RYR3: variants seen among roughly 807,000 people sequenced by gnomAD.
The protein encoded by RYR3 is brain ryanodine receptor-calcium release channel.
In RYR3, 207 loss-of-function variants were observed where a neutral mutation model predicts 584.3. That is an observed-to-expected ratio of 0.35 (90% confidence interval 0.32 to 0.40). RYR3 has a LOEUF of 0.40. Among genes scored for constraint, RYR3 ranks in the 10% least tolerant of loss-of-function variants. The pLI, the probability that RYR3 is intolerant of heterozygous loss-of-function variation, is 1.00. For missense variants in RYR3, 5,616 were observed against 6,089.2 expected (o/e 0.92, Z 2.59); for synonymous variants, 2,416 against 2,248.5 (o/e 1.07, Z -2.11).
chr15:33,607,953 A>G (rs2059990264), intron 18 of RYR3, among the ~76,000 whole-genome samples: 1 of 152,196 alleles, frequency 6.6e-6, no homozygotes, highest in Non-Finnish European at 1.5e-5. Flanking sequence ...AGGTAACTTG[A>G]GTCCACAAAG....
chr15:33,707,972 C>T (rs757723200), intron 43 of RYR3, among the ~76,000 whole-genome samples: 45 of 152,084 alleles, frequency 3.0e-4, no homozygotes, highest in Non-Finnish European at 1.3e-4. Flanking sequence ...TTCTTTTCTC[C>T]TTGTCCTGGT....
intron 81 of RYR3, among the ~76,000 whole-genome samples, chr15:33,823,761 AGTG>A (rs2077229724): frequency 6.6e-6 from 1 of 152,226 alleles, no homozygotes. Flanking sequence ...ATCTAAGAAA[AGTG>A]TCAGCTTATT....
At chr15:33,612,730 C>T (rs982798662) in intron 18 of RYR3, among the ~76,000 whole-genome samples, 16 of 152,180 alleles carry the variant, frequency 1.1e-4, no homozygotes, top group African/African-American at 3.6e-4. Context: ...TTCAACTCTA[C>T]AGCAGTCTAA....
intron 19 of RYR3, among the ~76,000 whole-genome samples, chr15:33,618,173 GA>G (rs1392119044): frequency 6.6e-6 from 1 of 151,950 alleles, no homozygotes; most frequent in Admixed American, 6.5e-5. Context: ...TTTTTTTGCA[GA>G]AAATTCATGA....
chr15:33,560,489 G>C (rs952510992), intron 10 of RYR3, among the ~76,000 whole-genome samples: 3 of 151,354 alleles, frequency 2.0e-5, no homozygotes, highest in Non-Finnish European at 2.9e-5. Context: ...TAAGTGAAAG[G>C]CAAGAAAGTA....
chr15:33,864,040 G>A (rs574286113), intron 102 of RYR3, 98 bp from the exon 103 acceptor site: 275 of 822,144 alleles, frequency 3.3e-4, no homozygotes, highest in Non-Finnish European at 3.9e-4. Context: ...AGATAGCGTG[G>A]GACCAACTAG....
chr15:33,330,551 G>A (rs949665534), intron 1 of RYR3, among the ~76,000 whole-genome samples: 1 of 152,106 alleles, frequency 6.6e-6, no homozygotes, highest in South Asian at 2.1e-4. Context: ...CCTGACTAGT[G>A]TTCCTTCACG....
chr15:33,698,208 T>C (rs1008475979), intron 40 of RYR3, among the ~76,000 whole-genome samples: 5 of 152,194 alleles, frequency 3.3e-5, no homozygotes, highest in African/African-American at 1.2e-4. Flanking sequence ...TTGGAGACTT[T>C]CTTCATTAAT....
intron 57 of RYR3, 102 bp downstream of exon 57, chr15:33,750,388 T>G: frequency 8.6e-7 from 1 of 1,157,950 alleles, no homozygotes; most frequent in Non-Finnish European, 1.2e-6. Flanking sequence ...AACAATTGAG[T>G]CTTTTAAAAT....
intron 1 of RYR3, among the ~76,000 whole-genome samples, chr15:33,424,135 G>A (rs2044432645): frequency 6.6e-6 from 1 of 152,104 alleles, no homozygotes; most frequent in South Asian, 2.1e-4. Flanking sequence ...GTACAGCATA[G>A]TGCTTAAGTG....
Position 33,731,552 on chromosome 15 carries a change from T to C in RYR3, c.7282T>C (p.Cys2428Arg), listed in dbSNP as rs1304107497. The change falls in exon 48 of 104, where the codon TGT becomes CGT. Residue 2428 changes from cysteine (C) to arginine (R), a missense_variant. Physicochemically the swap from Cys to Arg is radical, Grantham distance 180. This residue lies in a region of RYR3 where 1,280 missense variants were observed against 1,426.2 expected (regional missense o/e 0.90). Transcript: ENST00000634891. ...TGCTGTGCTCCCGCTCCTCACAAGA[T>C]GTGCCCCTCTCTTTGCCGGAACAGA... ...CSAVLPLLTRCAPLFAGTEHC... is the reference protein window; with the variant it reads ...CSAVLPLLTRRAPLFAGTEHC... 2 of 1,613,956 alleles carry C rather than the reference T, an allele frequency of 1.2e-6. No homozygotes were observed. Among genetic ancestry groups the C allele is most frequent in the Non-Finnish European group, 8.5e-7 (1 of 1,179,858 alleles).
chr15:33,838,909 A>G lies in RYR3; in HGVS notation c.12929A>G (p.Asp4310Gly), dbSNP rs1174134400. The change falls in exon 89 of 104, where the codon GAT becomes GGT. Residue 4310 changes from aspartate to glycine, a missense_variant. Around this residue, in one of 9 missense-constraint regions of RYR3, gnomAD observed 918 missense variants for 887.4 expected, o/e 1.03. Transcript: ENST00000634891. The stretch of plus-strand genomic sequence containing the variant: ...GACCTCTCAGAAATTATTGGCAAGG[A>G]TGAACCCCCTACATTAGAGAGTACT... ...LGDLSEIIGKDEPPTLESTVQ... is the reference protein window; with the variant it reads ...LGDLSEIIGKGEPPTLESTVQ... 1.2e-6 allele frequency: 2 copies of G among 1,613,772 alleles called. No individual in the cohort carries two copies. The highest frequency in any genetic ancestry group is 1.7e-6 in the Non-Finnish European group (2 of 1,179,838).
chr15:33,396,645 A>C (rs990924535), intron 1 of RYR3, among the ~76,000 whole-genome samples: 16 of 152,162 alleles, frequency 1.1e-4, no homozygotes, highest in Admixed American at 1.0e-3. Flanking sequence ...CTAATGCATG[A>C]GTGAAACAGG....
chr15:33,647,453 C>G lies in RYR3; in HGVS notation c.3971C>G (p.Thr1324Arg). Residue 1324 changes from threonine (T) to arginine (R), a missense_variant, in exon 30 of 104, where the codon ACA (threonine) becomes AGA (arginine). Coordinates refer to ENST00000634891, the MANE Select transcript of RYR3 (RefSeq NM_001036.6). ...RKQMQEILSH[T>R]TTQCYYAIRI... is the part of the protein sequence containing the mutation. ...CAGATGCAAGAAATACTCTCTCATA[C>G]AACAACAGTAAGTAAATGTGCTCAA... is the stretch of plus-strand genomic sequence containing the variant. The G allele has an allele frequency of 1.2e-6, 2 of 1,603,944 alleles. No homozygotes were observed. The highest frequency in any genetic ancestry group is 1.7e-6 in the Non-Finnish European group (2 of 1,171,002).
intron 1 of RYR3, among the ~76,000 whole-genome samples, chr15:33,323,472 C>T (rs1228758606): frequency 6.6e-6 from 1 of 152,076 alleles, no homozygotes; most frequent in Admixed American, 6.5e-5. Flanking sequence ...GCCAGAGCCC[C>T]AGCACCCATG....
In RYR3 at chr15:33,748,272, C is replaced by G. The variant is rs913910827; in HGVS notation, c.8136+12C>G. On this transcript the variant is annotated intron_variant, in intron 54 of 103. Coordinates refer to ENST00000634891, the MANE Select transcript of RYR3 (RefSeq NM_001036.6). The stretch of plus-strand genomic sequence containing the variant: ...CCCAGGCCAACCAGGTATGACACCA[C>G]ACCCAGAGGCCCACGCTGGGCCGAT... The G allele has an allele frequency of 6.2e-7, 1 of 1,613,200 alleles. No homozygotes were observed. Among genetic ancestry groups the G allele is most frequent in the Non-Finnish European group, 8.5e-7 (1 of 1,179,536 alleles).
intron 20 of RYR3, among the ~76,000 whole-genome samples, chr15:33,627,634 A>T (rs2061060425): frequency 6.6e-6 from 1 of 152,236 alleles, no homozygotes; most frequent in Non-Finnish European, 1.5e-5. Context: ...AGAGACAGTG[A>T]TGAGAACTAA....
intron 65 of RYR3, among the ~76,000 whole-genome samples, chr15:33,782,181 C>T (rs986805163): frequency 6.6e-6 from 1 of 152,126 alleles, no homozygotes; most frequent in Non-Finnish European, 1.5e-5. Flanking sequence ...CTCTTTAGTT[C>T]ATAAAGGCAC....
intron 1 of RYR3, among the ~76,000 whole-genome samples, chr15:33,338,630 G>A (rs1297512207): frequency 6.6e-6 from 1 of 152,120 alleles, no homozygotes; most frequent in Non-Finnish European, 1.5e-5. Context: ...TCATCTTGTA[G>A]CCATCTTATT....
Sources: gnomAD v4.1 joint callset for allele counts (sites outside exome capture counted in the v4.1 genomes callset) on GRCh38, gnomAD v4.1.1 for gene constraint, gnomAD v4.1.1 regional missense constraint, MANE v1.5 for transcripts, NCBI Gene and HGNC (gene_info 2026-07-23, HGNC 2026-07-21) for gene names.